ATP7A: variants seen among roughly 807,000 people sequenced by gnomAD.
ATP7A encodes the protein ATPase copper transporting alpha.
A neutral mutation model predicts 83.5 loss-of-function variants in ATP7A; 7 were observed. That is an observed-to-expected ratio of 0.08 (90% confidence interval 0.05 to 0.16). The LOEUF is 0.16. Among genes scored for constraint, ATP7A ranks in the 10% least tolerant of loss-of-function variants. The probability of loss-of-function intolerance (pLI) is 1.00; values close to 1 mark genes in which losing one functional copy is unlikely to be tolerated. For missense variants in ATP7A, 940 were observed against 1,120.8 expected (o/e 0.84, Z 2.30); for synonymous variants, 354 against 395.2 (o/e 0.90, Z 1.24).
chrX:78,029,131 A>G, intron 14 of ATP7A, 119 bp from the exon 15 acceptor site: 1 of 729,551 alleles, frequency 1.4e-6, no homozygotes, highest in East Asian at 3.2e-5. Flanking sequence ...ATATGTAGGT[A>G]GCTAGGTAGG....
intron 1 of ATP7A, among the ~76,000 whole-genome samples, chrX:77,936,858 C>T (rs2077322370): frequency 8.9e-6 from 1 of 112,429 alleles, no homozygotes; most frequent in South Asian, 3.6e-4. Flanking sequence ...TGGACTTGAA[C>T]TCCTGGCCTC....
intron 1 of ATP7A, among the ~76,000 whole-genome samples, chrX:77,928,500 C>T (rs782131836): frequency 9.0e-6 from 1 of 111,020 alleles, no homozygotes; most frequent in African/African-American, 3.3e-5. Context: ...GTTCTTCCTT[C>T]TACCACTGCC....
chrX:77,964,645 C>T (rs2077493957), intron 1 of ATP7A: 1 of 109,628 alleles, frequency 9.1e-6, no homozygotes, highest in African/African-American at 3.3e-5. Context: ...TCAAATCCCA[C>T]TTACGAGTGA....
intron 1 of ATP7A, among the ~76,000 whole-genome samples, chrX:77,949,170 G>A (rs2077400246): frequency 8.9e-6 from 1 of 111,919 alleles, no homozygotes; most frequent in Non-Finnish European, 1.9e-5. Flanking sequence ...GATTACAGGC[G>A]TGAGCCACTG....
intron 1 of ATP7A, among the ~76,000 whole-genome samples, chrX:77,922,196 T>C (rs1300015675): frequency 1.8e-5 from 2 of 111,654 alleles, no homozygotes; most frequent in African/African-American, 6.5e-5. Flanking sequence ...TAGAATAGTA[T>C]ATCATTTTTG....
chrX:77,936,837 G>A (rs1485061368), intron 1 of ATP7A, among the ~76,000 whole-genome samples: 1 of 112,590 alleles, frequency 8.9e-6, no homozygotes, highest in Non-Finnish European at 1.9e-5. Context: ...TGCAGTCTGT[G>A]TTCTCCAGGC....
chrX:77,998,312 C>T (rs913090477), intron 4 of ATP7A, among the ~76,000 whole-genome samples, 166 bp from the exon 5 acceptor site: 1 of 111,700 alleles, frequency 9.0e-6, no homozygotes, highest in Non-Finnish European at 1.9e-5. Flanking sequence ...TTGGAAGTCA[C>T]TGCGGAGGAA....
At chrX:78,038,766 G>C in intron 17 of ATP7A, 70 bp from the exon 18 acceptor site, 1 of 1,127,737 alleles carries the variant, frequency 8.9e-7, no homozygotes, top group African/African-American at 1.8e-5. Flanking sequence ...TAGACAGGAA[G>C]AACTTGCTTC....
chrX:77,937,077 T>A (rs2077323900), intron 1 of ATP7A, among the ~76,000 whole-genome samples: 1 of 112,153 alleles, frequency 8.9e-6, no homozygotes, highest in Admixed American at 9.4e-5. Flanking sequence ...AAATAGCAAA[T>A]AAAGGAAATG....
At chrX:77,941,280 TA>T (rs2077349867) in intron 1 of ATP7A, among the ~76,000 whole-genome samples, 1 of 112,178 alleles carries the variant, frequency 8.9e-6, no homozygotes, top group Non-Finnish European at 1.9e-5. Flanking sequence ...ACTAATTAAA[TA>T]AAATATAGCA....
chrX:77,989,749 C>T lies in ATP7A; in HGVS notation c.1127C>T (p.Thr376Ile). ...IPLNVVSQPL[T>I]QETVINIDGM... is the part of the protein sequence containing the mutation. ...TTGAATGTAGTTAGCCAGCCTCTGA[C>T]ACAAGAAACTGTGATAAACATTGAT... Residue 376 changes from threonine to isoleucine, a missense_variant, in exon 4 of 23, where the codon ACA becomes ATA. Around this residue, in one of 3 missense-constraint regions of ATP7A, gnomAD observed 350 missense variants for 432.8 expected, o/e 0.81. Transcript: ENST00000341514. 1.7e-6 allele frequency: 2 copies of T among 1,211,191 alleles called. No homozygotes were observed. The highest frequency in any genetic ancestry group is 3.5e-5 in the South Asian group (2 of 56,973).
chrX:77,999,314 A>G (rs1374667574), intron 5 of ATP7A, among the ~76,000 whole-genome samples: 2 of 111,626 alleles, frequency 1.8e-5, no homozygotes, highest in Admixed American at 9.6e-5. Context: ...TTTCTTCTAA[A>G]GCTATGCCTA....
At chrX:77,949,464 T>C (rs782696348) in intron 1 of ATP7A, among the ~76,000 whole-genome samples, 1 of 112,255 alleles carries the variant, frequency 8.9e-6, no homozygotes, top group Non-Finnish European at 1.9e-5. Context: ...CCTAATGCAT[T>C]CAACTTTGTT....
chrX:77,993,908 T>G (rs2077684035), intron 4 of ATP7A, among the ~76,000 whole-genome samples: 1 of 111,154 alleles, frequency 9.0e-6, no homozygotes, highest in Admixed American at 9.6e-5. Context: ...TTAAAATAGC[T>G]AGCATTTTTT....
intron 4 of ATP7A, among the ~76,000 whole-genome samples, chrX:77,992,156 C>G (rs2077673804): frequency 9.2e-6 from 1 of 108,892 alleles, no homozygotes; most frequent in Non-Finnish European, 1.9e-5. Context: ...CCTTGGCCTC[C>G]CAGGTTCAGA....
chrX:77,917,324 G>C (rs2077190258), intron 1 of ATP7A, among the ~76,000 whole-genome samples: 1 of 111,466 alleles, frequency 9.0e-6, no homozygotes. Flanking sequence ...AAAGTCCTTT[G>C]GATACACTGT....
In ATP7A at chrX:77,989,968, A is replaced by AT; in HGVS notation, c.1336+16dup. The AT allele has an allele frequency of 8.3e-7, 1 of 1,209,485 alleles. No homozygotes were observed. Among genetic ancestry groups the AT allele is most frequent in the East Asian group, 3.0e-5 (1 of 33,789 alleles). On this transcript the variant is annotated intron_variant, in intron 4 of 22. Coordinates refer to ENST00000341514, the MANE Select transcript of ATP7A (RefSeq NM_000052.7). ...GATGCTACCTTGTCAGGTAATTATC[A>AT]TTTTTTCTTTGATTACCCTAATGTT...
In ATP7A at chrX:78,047,240, T is replaced by TGACAA. The variant is rs1557239273; in HGVS notation, c.*671_*675dup. On this transcript the variant is annotated 3_prime_UTR_variant, in exon 23 of 23. Transcript: ENST00000341514. ...TGGTTTTTCATTGATTAAAAATAAC[T>TGACAA]GACAACTGTTCTAATATTTTGCTCC... The TGACAA allele has an allele frequency of 8.9e-6, 1 of 112,466 alleles. No homozygotes were observed. Among genetic ancestry groups the TGACAA allele is most frequent in the Non-Finnish European group, 1.9e-5 (1 of 53,297 alleles). 9.3% of individuals were successfully genotyped at this position (112,466 alleles called of 1,213,427 possible). A position where few individuals can be genotyped will look rare whatever the true frequency, so the allele number is the denominator to read the frequency against.
At chrX:78,026,274 G>T (rs1407355475) in intron 14 of ATP7A, among the ~76,000 whole-genome samples, 1 of 111,428 alleles carries the variant, frequency 9.0e-6, no homozygotes, top group Non-Finnish European at 1.9e-5. Context: ...AAAGAGCAGG[G>T]GTTGCTATTC....
Sources: gnomAD v4.1 joint callset for allele counts (sites outside exome capture counted in the v4.1 genomes callset) on GRCh38, gnomAD v4.1.1 for gene constraint, gnomAD v4.1.1 regional missense constraint, MANE v1.5 for transcripts, NCBI Gene and HGNC (gene_info 2026-07-23, HGNC 2026-07-21) for gene names.